Variants in IKBIP observed in about 807,000 individuals in gnomAD.
The protein encoded by IKBIP is inhibitor of nuclear factor kappa-B kinase-interacting protein.
Under a neutral mutation model 31.0 loss-of-function variants are expected in IKBIP, and 28 were observed. The ratio of observed to expected loss-of-function variants is 0.90; its 90% confidence interval spans 0.67 to 1.24. IKBIP has a LOEUF of 1.24. Among genes scored for constraint, IKBIP ranks in the 50% most tolerant of loss-of-function variants. IKBIP has a pLI of 0.00. For synonymous variants in IKBIP, 164 were observed against 160.3 expected (o/e 1.02, Z -0.17); for missense variants, 453 against 441.9 (o/e 1.03, Z -0.23).
intron 1 of IKBIP, among the ~76,000 whole-genome samples, chr12:98,637,661 C>T (rs1388975328): frequency 6.6e-6 from 1 of 152,098 alleles, no homozygotes; most frequent in Non-Finnish European, 1.5e-5. Context: ...CCTGCCTCAG[C>T]CTCCCAAAGT....
chr12:98,629,052 G>A (rs992246434), intron 2 of IKBIP, among the ~76,000 whole-genome samples: 9 of 152,308 alleles, frequency 5.9e-5, no homozygotes, highest in African/African-American at 2.2e-4. Flanking sequence ...GCAGGGTGAA[G>A]ATGTGAAAGC....
At chr12:98,619,152 A>G (rs1289383967) in intron 2 of IKBIP, among the ~76,000 whole-genome samples, 4 of 152,226 alleles carry the variant, frequency 2.6e-5, no homozygotes, top group Non-Finnish European at 5.9e-5. Flanking sequence ...GGTAGCCACA[A>G]ATAGGAAGGA....
At chr12:98,632,483 GAAAAAAAAAAAAAAA>G (rs71081871) in intron 2 of IKBIP, among the ~76,000 whole-genome samples, 6 of 11,564 alleles carry the variant, frequency 5.2e-4, no homozygotes, top group African/African-American at 1.7e-3. Flanking sequence ...GACTCTATCT[GAAAAAAAAAAAAAAA>G]AAAAAAAAAA....
rs1565846277 is a variant in IKBIP, at chr12:98,643,812, G to GTTTTCTTTTTTTTTTTTTTTC, written c.179+710_179+711insGAAAAAAAAAAAAAAAGAAAA. Among the ~76,000 whole-genome samples, 53 of 131,122 alleles carry GTTTTCTTTTTTTTTTTTTTTC rather than the reference G, an allele frequency of 4.0e-4. No homozygotes were observed. In the South Asian group the frequency reaches 0.013, roughly 33 times the overall value. 86.0% of individuals were successfully genotyped at this position (131,122 alleles called of 152,430 possible). On this transcript the variant is annotated intron_variant, in intron 1 of 2. Coordinates refer to ENST00000299157, the MANE Select transcript of IKBIP (RefSeq NM_153687.4). ...GCTCCTTTGGGAGCATAATGATATG[G>GTTTTCTTTTTTTTTTTTTTTC]TTTTCTTTTTTTTTTTTTTTTGAGA...
chr12:98,642,599 C>CTTTTTTTT lies in IKBIP; in HGVS notation c.179+1916_179+1923dup, dbSNP rs11380575. ...TTAGTAAAATAAATAATGCTATCTG[C>CTTTTTTTT]TTTTTTTTTTTTTTTTTTTGAGAAG... is the stretch of plus-strand genomic sequence containing the variant. On this transcript the variant is annotated intron_variant, in intron 1 of 2. Transcript: ENST00000299157. Among the ~76,000 whole-genome samples, 2 of 115,278 alleles carry CTTTTTTTT rather than the reference C, an allele frequency of 1.7e-5. 1 individual carries two copies. Among genetic ancestry groups the CTTTTTTTT allele is most frequent in the Non-Finnish European group, 3.4e-5 (2 of 59,558 alleles). The allele number at this position is 115,278 out of a possible 152,430, so 75.6% of individuals were successfully genotyped here.
At chr12:98,640,224 G>T (rs982671432) in intron 1 of IKBIP, among the ~76,000 whole-genome samples, 1 of 152,096 alleles carries the variant, frequency 6.6e-6, no homozygotes, top group Non-Finnish European at 1.5e-5. Flanking sequence ...ATCACCTGAG[G>T]TTGGGAGTTT....
rs763887899 is a variant in IKBIP at position 98,644,636 on chromosome 12, C to A, written c.66G>T (p.Lys22Asn). The A allele has an allele frequency of 1.2e-6, 2 of 1,610,852 alleles. No homozygotes were observed. The highest frequency in any genetic ancestry group is 1.7e-6 in the Non-Finnish European group (2 of 1,179,274). ...PKGAPAAEPG[K>N]RSEGGKTPVA... ...CGGGGGTCTTCCCGCCCTCGCTCCG[C>A]TTCCCGGGCTCCGCAGCAGGGGCTC... is the stretch of plus-strand genomic sequence containing the variant. The change falls in exon 1 of 3, where the codon AAG (lysine) becomes AAT (asparagine). Residue 22 changes from lysine (K) to asparagine (N), a missense_variant. Lys to Asn is a moderately conservative substitution (Grantham distance 94). Coordinates refer to ENST00000299157, the MANE Select transcript of IKBIP (RefSeq NM_153687.4).
chr12:98,615,679 C>T (rs1257482950), intron 2 of IKBIP, among the ~76,000 whole-genome samples: 1 of 152,140 alleles, frequency 6.6e-6, no homozygotes, highest in Non-Finnish European at 1.5e-5. Flanking sequence ...TCCAATCCCT[C>T]GTAACCATTC....
rs142651334 is a variant in IKBIP at position 98,626,062 on chromosome 12, T to C, written c.1002A>G (p.Ile334Met). The C allele has an allele frequency of 6.3e-7, 1 of 1,591,646 alleles. No individual in the cohort carries two copies. Among genetic ancestry groups the C allele is most frequent in the Non-Finnish European group, 8.6e-7 (1 of 1,168,524 alleles). Reference protein sequence around the residue: ...TLEGIQYDNSILKMQNELDIL... With the variant: ...TLEGIQYDNSMLKMQNELDIL... Reference sequence around the variant, plus strand: ...TATCCAGTTCATTTTGCATCTTTAATATGCTATTATCATACTGAATTCCTT... The same window carrying C: ...TATCCAGTTCATTTTGCATCTTTAACATGCTATTATCATACTGAATTCCTT... Residue 334 changes from isoleucine (I) to methionine (M), a missense_variant, in exon 3 of 3, where the codon ATA becomes ATG. By Grantham distance (10) the Ile-to-Met change is conservative. Transcript: ENST00000299157.
chr12:98,630,432 T>C (rs1182346510), intron 2 of IKBIP, among the ~76,000 whole-genome samples: 1 of 136,530 alleles, frequency 7.3e-6, no homozygotes, highest in East Asian at 2.3e-4. Context: ...ACTTTATTAG[T>C]GCTTGATTGT....
In IKBIP at chr12:98,625,464, T is replaced by A; in HGVS notation, c.*466A>T. 1 of 245,022 alleles carries A rather than the reference T, an allele frequency of 4.1e-6. No individual in the cohort carries two copies. The highest frequency in any genetic ancestry group is 6.5e-6 in the Non-Finnish European group (1 of 153,032). 15.2% of individuals were successfully genotyped at this position (245,022 alleles called of 1,614,324 possible). A position where few individuals can be genotyped will look rare whatever the true frequency, so the allele number is the denominator to read the frequency against. On this transcript the variant is annotated 3_prime_UTR_variant, in exon 3 of 3. Coordinates refer to ENST00000299157, the MANE Select transcript of IKBIP (RefSeq NM_153687.4). Reference sequence around the variant, plus strand: ...ACCTGCAGTGAATTACCTAAGAAAGTGAACTGGCTGAGGCAGGCACATTAC... The same window carrying A: ...ACCTGCAGTGAATTACCTAAGAAAGAGAACTGGCTGAGGCAGGCACATTAC...
At chr12:98,644,159 A>G (rs2097635068) in intron 1 of IKBIP, among the ~76,000 whole-genome samples, 1 of 152,132 alleles carries the variant, frequency 6.6e-6, no homozygotes, top group Non-Finnish European at 1.5e-5. Flanking sequence ...GTGTCCCGGA[A>G]TGGGGCACAG....
At chr12:98,614,186 G>A (rs201816899) in exon 3 of IKBIP, 240 of 1,613,852 alleles carry the variant, frequency 1.5e-4, no homozygotes, top group Non-Finnish European at 2.0e-4. Flanking sequence ...AATGTCTTGA[G>A]AAAGCGTCGT....
Position 98,644,756 on chromosome 12 carries a change from G to A in IKBIP, c.-55C>T. On this transcript the variant is annotated 5_prime_UTR_variant, in exon 1 of 3. Coordinates refer to ENST00000299157, the MANE Select transcript of IKBIP (RefSeq NM_153687.4). ...GGCAGCTTCTTCACCAGGGGGAGCA[G>A]GACGTGGCCGCCTTGGCGTTCGTGG... The A allele has an allele frequency of 2.6e-6, 4 of 1,554,676 alleles. No individual in the cohort carries two copies. In the South Asian group the frequency reaches 4.7e-5, roughly 18 times the overall value.
downstream of IKBIP, among the ~76,000 whole-genome samples, chr12:98,622,698 CAAT>C: frequency 6.7e-6 from 1 of 150,340 alleles, no homozygotes; most frequent in Admixed American, 6.7e-5. Flanking sequence ...AAAATTTGAA[CAAT>C]GTTATAGATT....
chr12:98,623,784 C>G (rs2153295934), downstream of IKBIP, among the ~76,000 whole-genome samples: 1 of 150,826 alleles, frequency 6.6e-6, no homozygotes, highest in Admixed American at 6.6e-5. Context: ...GTAATTTTCC[C>G]TAAAGAAAAG....
chr12:98,632,637 T>TTTG (rs1226098707), intron 2 of IKBIP, among the ~76,000 whole-genome samples: 1 of 139,854 alleles, frequency 7.2e-6, no homozygotes, highest in Non-Finnish European at 1.6e-5. Context: ...TTTTTTTTTT[T>TTTG]TTGGGACAGA....
At chr12:98,618,548 C>G (rs895818423) in intron 2 of IKBIP, among the ~76,000 whole-genome samples, 3 of 151,780 alleles carry the variant, frequency 2.0e-5, no homozygotes, top group South Asian at 2.1e-4. Context: ...ATGGCGTGAA[C>G]CCGGGAGGCG....
Position 98,625,021 on chromosome 12 carries a change from G to T in IKBIP, c.*909C>A. The T allele has an allele frequency of 2.0e-6, 1 of 502,510 alleles. No homozygotes were observed. Among genetic ancestry groups the T allele is most frequent in the Non-Finnish European group, 2.6e-6 (1 of 389,064 alleles). The allele number at this position is 502,510 out of a possible 1,614,324, so 31.1% of individuals were successfully genotyped here. On this transcript the variant is annotated 3_prime_UTR_variant, in exon 3 of 3. Coordinates refer to ENST00000299157, the MANE Select transcript of IKBIP (RefSeq NM_153687.4). ...AGGGTTTCACCCTGTTAGCCAGATG[G>T]TCTTGATCTCCTGACTTCGTGATCT...
Sources: allele counts gnomAD v4.1 joint callset (sites outside exome capture counted in the v4.1 genomes callset), GRCh38; gene constraint gnomAD v4.1.1; transcripts MANE v1.5; gene names NCBI Gene and HGNC (gene_info 2026-07-23, HGNC 2026-07-21).